The following ZNF385D variants were observed in gnomAD, a reference collection of about 807,000 sequenced individuals.
ZNF385D encodes the protein zinc finger protein 659.
A neutral mutation model predicts 35.8 loss-of-function variants in ZNF385D; 15 were observed. The ratio of observed to expected loss-of-function variants is 0.42; its 90% CI spans 0.28 to 0.64. ZNF385D has a LOEUF of 0.64. ZNF385D is among the 30% of genes least tolerant of loss of function. The probability of loss-of-function intolerance (pLI) is 0.23; values close to 1 mark genes in which losing one functional copy is unlikely to be tolerated. For missense variants in ZNF385D, 474 were observed against 494.6 expected (o/e 0.96, Z 0.39); for synonymous variants, 212 against 186.8 (o/e 1.13, Z -1.10).
chr3:21,618,926 G>A (rs1005065015), intron 2 of ZNF385D, among the ~76,000 whole-genome samples: 54 of 152,208 alleles, frequency 3.5e-4, no homozygotes, highest in Non-Finnish European at 7.4e-4. Flanking sequence ...CTGTTTTTAC[G>A]GAACTAGGGG....
intron 2 of ZNF385D, among the ~76,000 whole-genome samples, chr3:22,337,882 G>A (rs1205913918): frequency 6.6e-6 from 1 of 152,188 alleles, no homozygotes; most frequent in South Asian, 2.1e-4. Flanking sequence ...CTGGAACGTG[G>A]TCTGCATGGA....
intron 1 of ZNF385D, among the ~76,000 whole-genome samples, chr3:21,684,370 C>G (rs1559516390): frequency 2.3e-5 from 1 of 42,818 alleles, no homozygotes; most frequent in Non-Finnish European, 5.3e-5. Context: ...GTTCTCCTCT[C>G]TCTCTCTCTC....
At chr3:22,348,558 A>G (rs561498354) in intron 2 of ZNF385D, among the ~76,000 whole-genome samples, 59 of 151,444 alleles carry the variant, frequency 3.9e-4, no homozygotes, top group African/African-American at 1.4e-3. Flanking sequence ...CAGCTACTCC[A>G]GAGTCTGAGG....
At position 21,418,053 on chromosome 3, in the gene ZNF385D, A is replaced by T. The variant is rs1227124187; in HGVS notation, c.*3161T>A. The T allele has an allele frequency of 6.6e-6, 1 of 152,086 alleles. No individual in the cohort carries two copies. The highest frequency in any genetic ancestry group is 1.5e-5 in the Non-Finnish European group (1 of 68,004). 9.4% of individuals were successfully genotyped at this position (152,086 alleles called of 1,614,324 possible). A position where few individuals can be genotyped will look rare whatever the true frequency, so the allele number is the denominator to read the frequency against. ...TGTTTTCTCATAAGAGAAATACAGT[A>T]CCTCCCCAATGACTGTTTCCCATTT... is the stretch of plus-strand genomic sequence containing the variant. On this transcript the variant is annotated 3_prime_UTR_variant, in exon 8 of 8. Coordinates refer to ENST00000281523, the MANE Select transcript of ZNF385D (RefSeq NM_024697.3).
intron 3 of ZNF385D, among the ~76,000 whole-genome samples, chr3:22,084,125 A>C (rs1217441492): frequency 6.6e-6 from 1 of 152,252 alleles, no homozygotes; most frequent in Non-Finnish European, 1.5e-5. Flanking sequence ...CCACTGCAAA[A>C]ACATGCCAAA....
intron 3 of ZNF385D, among the ~76,000 whole-genome samples, chr3:21,761,713 A>G (rs2070617485): frequency 6.6e-6 from 1 of 152,118 alleles, no homozygotes; most frequent in East Asian, 1.9e-4. Context: ...GCTTCAACCA[A>G]TAATAGTCAT....
chr3:21,683,963 A>G (rs1368027793), intron 1 of ZNF385D, among the ~76,000 whole-genome samples: 1 of 150,298 alleles, frequency 6.7e-6, no homozygotes, highest in East Asian at 2.0e-4. Flanking sequence ...CAGAGAACAT[A>G]GCCACATCTG....
intron 3 of ZNF385D, among the ~76,000 whole-genome samples, chr3:21,873,164 G>T (rs1157312354): frequency 6.6e-6 from 1 of 152,108 alleles, no homozygotes; most frequent in Non-Finnish European, 1.5e-5. Context: ...ATGATGGAAA[G>T]ATAAAGCTAT....
chr3:21,973,965 G>A (rs1247905012), intron 3 of ZNF385D, among the ~76,000 whole-genome samples: 1 of 151,898 alleles, frequency 6.6e-6, no homozygotes, highest in Admixed American at 6.6e-5. Flanking sequence ...CAGATTGGTA[G>A]AATATATATT....
chr3:22,068,538 C>A (rs1041718338), intron 3 of ZNF385D, among the ~76,000 whole-genome samples: 1 of 152,080 alleles, frequency 6.6e-6, no homozygotes, highest in Non-Finnish European at 1.5e-5. Context: ...TTATTATATT[C>A]TTTTGAGGAT....
intron 2 of ZNF385D, among the ~76,000 whole-genome samples, chr3:22,279,187 G>C (rs1282473642): frequency 3.9e-5 from 6 of 151,964 alleles, no homozygotes; most frequent in Non-Finnish European, 7.4e-5. Context: ...GGCCAATTCT[G>C]AGATCTTGGT....
intron 3 of ZNF385D, among the ~76,000 whole-genome samples, chr3:21,811,792 C>G (rs1341174577): frequency 2.0e-5 from 3 of 152,086 alleles, no homozygotes; most frequent in Non-Finnish European, 2.9e-5. Context: ...TTTGCAAGCC[C>G]TAATAAAATA....
chr3:22,122,281 T>A (rs994119364), intron 3 of ZNF385D, among the ~76,000 whole-genome samples: 1 of 152,186 alleles, frequency 6.6e-6, no homozygotes, highest in Non-Finnish European at 1.5e-5. Flanking sequence ...AGGACCTGCA[T>A]TCGGCTGAAG....
chr3:21,984,914 T>C (rs1694720685), intron 3 of ZNF385D, among the ~76,000 whole-genome samples: 2 of 144,360 alleles, frequency 1.4e-5, no homozygotes, highest in Admixed American at 6.9e-5. Context: ...AGGTATTTTA[T>C]TGTCTTTGAA....
chr3:22,370,025 C>G (rs73041347), intron 2 of ZNF385D, among the ~76,000 whole-genome samples: 5,684 of 152,228 alleles, frequency 0.037, 148 homozygotes, highest in East Asian at 0.1. Context: ...ACACTGTTTT[C>G]TTGAATTGCA....
intron 1 of ZNF385D, among the ~76,000 whole-genome samples, chr3:21,699,902 G>A (rs2067615689): frequency 6.8e-6 from 1 of 146,476 alleles, no homozygotes; most frequent in Non-Finnish European, 1.5e-5. Context: ...TGCGATCTTG[G>A]CTCACTACAA....
intron 3 of ZNF385D, among the ~76,000 whole-genome samples, chr3:21,548,783 G>C (rs977923071): frequency 4.6e-5 from 7 of 152,028 alleles, no homozygotes; most frequent in Admixed American, 2.6e-4. Context: ...TTTCTCCTAG[G>C]GCATGTCCCC....
At chr3:21,957,072 T>A (rs541526952) in intron 3 of ZNF385D, 1 of 156,966 alleles carries the variant, frequency 6.4e-6, no homozygotes, top group South Asian at 2.0e-4. Context: ...TCTCACGAGA[T>A]CTGATGGGTT....
intron 3 of ZNF385D, among the ~76,000 whole-genome samples, chr3:21,909,332 C>CATGA (rs1294062434): frequency 3.3e-5 from 5 of 152,012 alleles, no homozygotes; most frequent in African/African-American, 1.2e-4. Flanking sequence ...CATGTAACAA[C>CATGA]ACAAAATAAC....
Sources: gnomAD v4.1 joint callset for allele counts (sites outside exome capture counted in the v4.1 genomes callset) on GRCh38, gnomAD v4.1.1 for gene constraint, MANE v1.5 for transcripts, NCBI Gene and HGNC (gene_info 2026-07-23, HGNC 2026-07-21) for gene names.